FMN1: variants seen among roughly 807,000 people sequenced by gnomAD.
FMN1 encodes the protein formin-1.
In FMN1, 110 loss-of-function variants were observed where a neutral mutation model predicts 132.4. That is an observed-to-expected ratio of 0.83 (90% CI 0.71 to 0.97). The LOEUF (loss-of-function observed/expected upper bound fraction) is 0.97. FMN1 is among the 50% of genes least tolerant of loss of function. FMN1 has a pLI of 0.00. For missense variants in FMN1, 1,792 were observed against 1,705.3 expected (o/e 1.05, Z -0.90); for synonymous variants, 722 against 651.7 (o/e 1.11, Z -1.64).
At position 32,958,018 on chromosome 15, in the gene FMN1, A is replaced by G. The variant is rs1300420220; in HGVS notation, c.3138+6089T>C. Among the ~76,000 whole-genome samples, 3 of 152,162 alleles carry G rather than the reference A, an allele frequency of 2.0e-5. No individual in the cohort carries two copies. In the East Asian group the frequency reaches 5.8e-4, roughly 29 times the overall value. ...ATATAAATTTGTAATAATTAGTAATAAATTTATTTTATTATAGCTAATATT... is the reference window on the plus strand; with the variant it reads ...ATATAAATTTGTAATAATTAGTAATGAATTTATTTTATTATAGCTAATATT... On this transcript the variant is annotated intron_variant, in intron 9 of 20. Transcript: ENST00000616417.
intron 12 of FMN1, among the ~76,000 whole-genome samples, chr15:32,906,167 T>A (rs2060420029): frequency 6.6e-6 from 1 of 152,176 alleles, no homozygotes; most frequent in Admixed American, 6.5e-5. Context: ...GCCTGTTCAT[T>A]TCACCGGATC....
At chr15:32,906,001 C>T (rs2060415732) in intron 12 of FMN1, among the ~76,000 whole-genome samples, 1 of 152,172 alleles carries the variant, frequency 6.6e-6, no homozygotes, top group South Asian at 2.1e-4. Context: ...GAAGCCATTA[C>T]AATGACCATT....
At chr15:32,998,701 T>C (rs2033921533) in intron 7 of FMN1, among the ~76,000 whole-genome samples, 1 of 152,118 alleles carries the variant, frequency 6.6e-6, no homozygotes, top group Non-Finnish European at 1.5e-5. Flanking sequence ...GTCAAAAAAC[T>C]TTTGCAATAA....
chr15:32,902,112 A>T, intron 12 of FMN1, 72 bp from the exon 13 acceptor site: 5 of 1,391,880 alleles, frequency 3.6e-6, no homozygotes, highest in Non-Finnish European at 4.9e-6. Context: ...GCTGAAAAAG[A>T]CCCACTTTGG....
intron 4 of FMN1, among the ~76,000 whole-genome samples, chr15:33,112,345 C>G (rs1010971044): frequency 6.6e-6 from 1 of 152,076 alleles, no homozygotes; most frequent in Non-Finnish European, 1.5e-5. Context: ...TTTAAAAACA[C>G]CTATCTCTAT....
chr15:33,126,448 CAG>C (rs1963079360), intron 4 of FMN1, among the ~76,000 whole-genome samples: 1 of 152,128 alleles, frequency 6.6e-6, no homozygotes. Flanking sequence ...GTGCAGAGGG[CAG>C]AGTGGATCCC....
intron 4 of FMN1, among the ~76,000 whole-genome samples, chr15:33,143,219 G>A (rs1964077970): frequency 2.0e-5 from 3 of 152,060 alleles, no homozygotes; most frequent in Admixed American, 1.3e-4. Context: ...ATAGTTTCAA[G>A]GTTAGTTAAA....
In FMN1 at chr15:33,108,891, C is replaced by T. The variant is rs1275292238; in HGVS notation, c.1868-19917G>A. Among the ~76,000 whole-genome samples the T allele has an allele frequency of 2.0e-5, 3 of 152,102 alleles. No homozygotes were observed. In the South Asian group the frequency reaches 6.2e-4, roughly 32 times the overall value. The stretch of plus-strand genomic sequence containing the variant: ...TGTTGTCTTTGGCCTCTGTCAGTGA[C>T]CTCAGCCTACAATATTGATTACCAC... On this transcript the variant is annotated intron_variant, in intron 4 of 20. Transcript: ENST00000616417.
chr15:33,174,674 C>T (rs1261617815), intron 3 of FMN1, among the ~76,000 whole-genome samples: 1 of 152,174 alleles, frequency 6.6e-6, no homozygotes, highest in Non-Finnish European at 1.5e-5. Flanking sequence ...GTGTTTCTAG[C>T]CCCAATACTA....
intron 3 of FMN1, among the ~76,000 whole-genome samples, chr15:33,170,569 A>ACCC (rs796310810): frequency 6.7e-6 from 1 of 149,384 alleles, no homozygotes; most frequent in African/African-American, 2.5e-5. Flanking sequence ...AAAAAAAAAA[A>ACCC]CCCGTTGAAA....
At chr15:33,184,923 T>G (rs1386628680) in intron 2 of FMN1, among the ~76,000 whole-genome samples, 1 of 152,228 alleles carries the variant, frequency 6.6e-6, no homozygotes, top group Non-Finnish European at 1.5e-5. Flanking sequence ...TGTAATCCAC[T>G]TAAGTAAATG....
chr15:32,840,998 A>G (rs1355022510), intron 17 of FMN1, among the ~76,000 whole-genome samples: 1 of 152,150 alleles, frequency 6.6e-6, no homozygotes, highest in Non-Finnish European at 1.5e-5. Flanking sequence ...ACAGAAACAA[A>G]ATTTAAAAAC....
chr15:33,034,710 G>C (rs953241358), intron 6 of FMN1, among the ~76,000 whole-genome samples: 7 of 151,964 alleles, frequency 4.6e-5, no homozygotes, highest in Non-Finnish European at 7.4e-5. Context: ...TACAACTACA[G>C]TCCAAGCCAC....
chr15:33,162,436 A>T (rs78447490), intron 3 of FMN1, among the ~76,000 whole-genome samples: 1 of 152,132 alleles, frequency 6.6e-6, no homozygotes, highest in Non-Finnish European at 1.5e-5. Context: ...AAAAAAAAAA[A>T]GGAGAGTCAA....
intron 4 of FMN1, among the ~76,000 whole-genome samples, chr15:33,135,088 G>A (rs1281097102): frequency 6.6e-6 from 1 of 152,134 alleles, no homozygotes; most frequent in South Asian, 2.1e-4. Flanking sequence ...GAAATATTTT[G>A]CTTTTTGAGT....
chr15:33,162,779 G>C (rs979812001), intron 3 of FMN1, among the ~76,000 whole-genome samples: 1 of 152,124 alleles, frequency 6.6e-6, no homozygotes, highest in African/African-American at 2.4e-5. Context: ...TGAGGAGCTG[G>C]GGACAACATC....
chr15:33,151,423 G>A (rs1459693322), intron 4 of FMN1: 17 of 1,530,922 alleles, frequency 1.1e-5, no homozygotes, highest in Non-Finnish European at 1.5e-5. Context: ...GCACGGAGAG[G>A]CCAAAGGAAC....
chr15:33,056,718 G>A (rs2037233436), intron 6 of FMN1, among the ~76,000 whole-genome samples: 1 of 152,156 alleles, frequency 6.6e-6, no homozygotes, highest in South Asian at 2.1e-4. Flanking sequence ...ACCAGCATTA[G>A]AACTGGATAA....
At chr15:32,990,493 A>G (rs898914065) in intron 7 of FMN1, among the ~76,000 whole-genome samples, 1 of 152,190 alleles carries the variant, frequency 6.6e-6, no homozygotes, top group Non-Finnish European at 1.5e-5. Context: ...TGGTAAGATA[A>G]TTTGCTACAA....
Sources: gnomAD v4.1 joint callset for allele counts (sites outside exome capture counted in the v4.1 genomes callset) on GRCh38, gnomAD v4.1.1 for gene constraint, MANE v1.5 for transcripts, NCBI Gene and HGNC (gene_info 2026-07-23, HGNC 2026-07-21) for gene names.